PHF20: variants seen among roughly 807,000 people sequenced by gnomAD.
PHF20 encodes glioma-expressed antigen 2.
A neutral mutation model predicts 113.5 loss-of-function variants in PHF20; 23 were observed. The ratio of observed to expected loss-of-function variants is 0.20; its 90% CI spans 0.15 to 0.29. The LOEUF (loss-of-function observed/expected upper bound fraction) is 0.29. Among genes scored for constraint, PHF20 ranks in the 10% least tolerant of loss-of-function variants. The probability of loss-of-function intolerance (pLI) is 1.00; values close to 1 mark genes in which losing one functional copy is unlikely to be tolerated. For synonymous variants in PHF20, 434 were observed against 457.3 expected (o/e 0.95, Z 0.65); for missense variants, 943 against 1,219.6 (o/e 0.77, Z 3.38).
intron 1 of PHF20, chr20:35,800,141 CTT>C (rs2146861985): frequency 6.6e-6 from 1 of 152,138 alleles, no homozygotes; most frequent in African/African-American, 2.4e-5. Flanking sequence ...CAAATTGTGA[CTT>C]CAGATTCAAA....
intron 11 of PHF20, among the ~76,000 whole-genome samples, chr20:35,913,717 A>G (rs561904771): frequency 1.3e-5 from 2 of 152,336 alleles, no homozygotes; most frequent in South Asian, 4.2e-4. Flanking sequence ...TCCCTTCTTA[A>G]AAACTGTGTC....
intron 14 of PHF20, 78 bp from the exon 15 acceptor site, chr20:35,931,168 TATG>T (rs1418343076): frequency 1.1e-6 from 1 of 913,188 alleles, no homozygotes; most frequent in Non-Finnish European, 1.7e-6. Flanking sequence ...CAGTAGTTGG[TATG>T]ATAATTGTGT....
intron 1 of PHF20, among the ~76,000 whole-genome samples, chr20:35,790,437 G>A (rs950907129): frequency 6.6e-6 from 1 of 151,996 alleles, no homozygotes; most frequent in African/African-American, 2.4e-5. Flanking sequence ...CTGACCTCAG[G>A]TGATCCGCCT....
At chr20:35,889,037 A>T (rs1271850217) in intron 9 of PHF20, among the ~76,000 whole-genome samples, 6 of 127,178 alleles carry the variant, frequency 4.7e-5, no homozygotes, top group Non-Finnish European at 9.6e-5. Flanking sequence ...TTTTTTTTGA[A>T]ATGGAGTCTC....
At chr20:35,942,884 T>G (rs968966434) in intron 17 of PHF20, among the ~76,000 whole-genome samples, 1 of 151,854 alleles carries the variant, frequency 6.6e-6, no homozygotes. Context: ...AGTGCAGTGG[T>G]GCCATCTCAG....
intron 9 of PHF20, among the ~76,000 whole-genome samples, chr20:35,880,913 T>A: frequency 6.6e-6 from 1 of 152,020 alleles, no homozygotes; most frequent in East Asian, 1.9e-4. Context: ...TGAGCCAAGA[T>A]TGTGCCACTG....
intron 9 of PHF20, among the ~76,000 whole-genome samples, chr20:35,882,464 G>A (rs1485262142): frequency 6.6e-6 from 1 of 152,164 alleles, no homozygotes; most frequent in Non-Finnish European, 1.5e-5. Flanking sequence ...GTTTTGCTCT[G>A]TCATCCAGGC....
intron 10 of PHF20, among the ~76,000 whole-genome samples, chr20:35,903,889 A>G (rs1265041996): frequency 6.6e-6 from 1 of 152,138 alleles, no homozygotes; most frequent in Non-Finnish European, 1.5e-5. Context: ...AGCTCTCCAG[A>G]AGGCACCCCT....
intron 9 of PHF20, among the ~76,000 whole-genome samples, chr20:35,873,226 G>T (rs1457676011): frequency 6.6e-6 from 1 of 150,844 alleles, no homozygotes. Context: ...TCAGCCTCCC[G>T]AGTAGCTGGG....
chr20:35,887,948 T>C (rs2054768436), intron 9 of PHF20: 1 of 150,018 alleles, frequency 6.7e-6, no homozygotes, highest in East Asian at 2.0e-4. Context: ...CCCCCGAAAA[T>C]AGATAAAGAA....
Position 35,847,342 on chromosome 20 carries a change from T to C in PHF20, c.256-8T>C. ...ACAGGATCTTTTTTTTTTTTTTATG[T>C]TTTTTAGGAATTTCAAATAAATGAG... is the stretch of plus-strand genomic sequence containing the variant. On this transcript the variant is annotated splice_region_variant and splice_polypyrimidine_tract_variant and intron_variant, in intron 3 of 17. Coordinates refer to ENST00000374012, the MANE Select transcript of PHF20 (RefSeq NM_016436.5). 1 of 1,587,494 alleles carries C rather than the reference T, an allele frequency of 6.3e-7. No homozygotes were observed. Among genetic ancestry groups the C allele is most frequent in the Non-Finnish European group, 8.6e-7 (1 of 1,163,364 alleles).
intron 1 of PHF20, among the ~76,000 whole-genome samples, chr20:35,791,443 ATCTATCTATCTATCTATC>A (rs1254999204): frequency 7.0e-5 from 1 of 14,252 alleles, no homozygotes; most frequent in African/African-American, 1.5e-4. Context: ...CCAGAATAGT[ATCTATCTATCTATCTATC>A]TATCTATCTA....
intron 2 of PHF20, among the ~76,000 whole-genome samples, chr20:35,829,248 A>G (rs1265043052): frequency 6.6e-6 from 1 of 152,202 alleles, no homozygotes; most frequent in Non-Finnish European, 1.5e-5. Context: ...AAAATTTAGT[A>G]TTTTAATCAT....
chr20:35,939,581 T>A (rs1337542406), intron 16 of PHF20, among the ~76,000 whole-genome samples: 1 of 152,242 alleles, frequency 6.6e-6, no homozygotes, highest in East Asian at 1.9e-4. Context: ...TGGTACACTT[T>A]GTCAAAATAT....
chr20:35,794,761 T>C (rs1304589944), intron 1 of PHF20, among the ~76,000 whole-genome samples: 1 of 152,190 alleles, frequency 6.6e-6, no homozygotes, highest in East Asian at 1.9e-4. Context: ...CTTTTAATTC[T>C]TTGTTGTCCC....
At chr20:35,873,226 G>A (rs1457676011) in intron 9 of PHF20, among the ~76,000 whole-genome samples, 1 of 150,962 alleles carries the variant, frequency 6.6e-6, no homozygotes, top group Non-Finnish European at 1.5e-5. Context: ...TCAGCCTCCC[G>A]AGTAGCTGGG....
intron 1 of PHF20, among the ~76,000 whole-genome samples, chr20:35,787,134 GGT>G (rs1439659680): frequency 6.6e-6 from 1 of 150,778 alleles, no homozygotes; most frequent in Non-Finnish European, 1.5e-5. Context: ...TAGGACGACA[GGT>G]GTGTGTCACT....
chr20:35,855,163 G>A, intron 4 of PHF20: 3 of 652,266 alleles, frequency 4.6e-6, no homozygotes, highest in Middle Eastern at 6.6e-4. Context: ...CCCCAGACTT[G>A]CCAGAGTTGC....
At chr20:35,899,753 T>C (rs1300158681) in intron 10 of PHF20, 105 bp downstream of exon 10, 4 of 1,222,886 alleles carry the variant, frequency 3.3e-6, no homozygotes, top group Non-Finnish European at 3.5e-6. Context: ...TCTGTTCCAG[T>C]TGAATCCCAC....
Sources: allele counts gnomAD v4.1 joint callset (sites outside exome capture counted in the v4.1 genomes callset), GRCh38; gene constraint gnomAD v4.1.1; transcripts MANE v1.5; gene names NCBI Gene and HGNC (gene_info 2026-07-23, HGNC 2026-07-21).